Variants in ATP8B4 observed in about 807,000 individuals in gnomAD.
ATP8B4 encodes ATPase phospholipid transporting 8B4 (putative).
Under a neutral mutation model 145.6 loss-of-function variants are expected in ATP8B4, and 133 were observed. That is an observed-to-expected ratio of 0.91 (90% confidence interval 0.79 to 1.05). The LOEUF (loss-of-function observed/expected upper bound fraction) is 1.05. Among genes scored for constraint, ATP8B4 ranks in the 50% least tolerant of loss-of-function variants. The pLI is 0.00. For synonymous variants in ATP8B4, 507 were observed against 492.9 expected (o/e 1.03, Z -0.38); for missense variants, 1,458 against 1,425.2 (o/e 1.02, Z -0.37).
intron 14 of ATP8B4, among the ~76,000 whole-genome samples, chr15:49,955,546 C>T (rs2043485816): frequency 6.6e-6 from 1 of 152,138 alleles, no homozygotes; most frequent in Non-Finnish European, 1.5e-5. Flanking sequence ...GAATGGAAAT[C>T]AGGATCTTGA....
intron 3 of ATP8B4, among the ~76,000 whole-genome samples, chr15:50,054,056 T>C (rs2052393239): frequency 6.6e-6 from 1 of 152,230 alleles, no homozygotes; most frequent in African/African-American, 2.4e-5. Flanking sequence ...GAAAGAATTA[T>C]GCAAATATAG....
chr15:50,047,329 A>G, intron 4 of ATP8B4, 22 bp downstream of exon 4: 1 of 1,388,818 alleles, frequency 7.2e-7, no homozygotes, highest in Non-Finnish European at 1.0e-6. Context: ...CAGATAATAG[A>G]GAAATACAAC....
At chr15:49,911,206 T>C (rs1040130529) in intron 20 of ATP8B4, among the ~76,000 whole-genome samples, 1 of 152,094 alleles carries the variant, frequency 6.6e-6, no homozygotes, top group African/African-American at 2.4e-5. Context: ...GAATGGGTTT[T>C]TTAAAAATGT....
intron 25 of ATP8B4, among the ~76,000 whole-genome samples, chr15:49,875,400 C>T (rs932696684): frequency 6.6e-6 from 1 of 152,224 alleles, no homozygotes; most frequent in Admixed American, 6.5e-5. Flanking sequence ...GAAGGAGAAT[C>T]CAGAGAATTG....
At chr15:50,177,123 CTGAA>C (rs374637650) in intron 1 of ATP8B4, among the ~76,000 whole-genome samples, 3,222 of 152,294 alleles carry the variant, frequency 0.021, 45 homozygotes, top group Non-Finnish European at 0.03. Context: ...CCACAAACCA[CTGAA>C]TGAGTCAGTC....
chr15:50,020,368 C>G (rs2049452987), intron 6 of ATP8B4, among the ~76,000 whole-genome samples: 1 of 150,620 alleles, frequency 6.6e-6, no homozygotes, highest in Admixed American at 6.6e-5. Context: ...TTCCCAGGTT[C>G]AAGCAGTTGT....
intron 27 of ATP8B4, among the ~76,000 whole-genome samples, chr15:49,861,670 G>A (rs1012743297): frequency 1.3e-5 from 2 of 152,094 alleles, no homozygotes; most frequent in African/African-American, 2.4e-5. Context: ...ATGAAATTCT[G>A]AAATATGTTC....
intron 16 of ATP8B4, among the ~76,000 whole-genome samples, chr15:49,925,610 C>A (rs2040644018): frequency 6.6e-6 from 1 of 152,124 alleles, no homozygotes; most frequent in Non-Finnish European, 1.5e-5. Flanking sequence ...TTAGTTTCTA[C>A]ATGTAAAAAG....
chr15:49,916,299 T>C (rs2153450633), intron 20 of ATP8B4, among the ~76,000 whole-genome samples: 1 of 152,276 alleles, frequency 6.6e-6, no homozygotes, highest in South Asian at 2.1e-4. Context: ...CTACCTCCAA[T>C]TTCAGCACTT....
chr15:49,866,599 T>C (rs779945712), intron 25 of ATP8B4, 115 bp from the exon 26 acceptor site: 28 of 1,311,150 alleles, frequency 2.1e-5, no homozygotes, highest in Non-Finnish European at 3.0e-5. Flanking sequence ...CCTGCCTAGT[T>C]GCCAAGCCAA....
intron 24 of ATP8B4, 48 bp downstream of exon 24, chr15:49,879,328 A>C: frequency 6.6e-7 from 1 of 1,510,680 alleles, no homozygotes; most frequent in South Asian, 1.2e-5. Flanking sequence ...CAAAAAACTA[A>C]AAGGCATAAA....
chr15:50,155,371 T>C (rs2044397272), intron 1 of ATP8B4, among the ~76,000 whole-genome samples: 1 of 152,186 alleles, frequency 6.6e-6, no homozygotes, highest in Admixed American at 6.5e-5. Flanking sequence ...TATATGTTTA[T>C]AGTTTTATAA....
In ATP8B4 at chr15:50,158,645, G is replaced by A. The variant is rs976073388; in HGVS notation, c.-43+23616C>T. ...GAGAATGGGCCATGATGACAATGGCGGTTTTGTGGAATAGAAAAGGGGGAA... is the reference window on the plus strand; with the variant it reads ...GAGAATGGGCCATGATGACAATGGCAGTTTTGTGGAATAGAAAAGGGGGAA... On this transcript the variant is annotated intron_variant, in intron 1 of 3. Coordinates refer to the ATP8B4 transcript ENST00000558829. Among the ~76,000 whole-genome samples the A allele has an allele frequency of 3.2e-4, 48 of 152,378 alleles. 1 individual carries two copies. Among genetic ancestry groups the A allele is most frequent in the Admixed American group, 1.6e-3 (25 of 15,310 alleles).
At chr15:49,908,829 C>G (rs1420871192) in intron 20 of ATP8B4, among the ~76,000 whole-genome samples, 1 of 152,140 alleles carries the variant, frequency 6.6e-6, no homozygotes, top group Non-Finnish European at 1.5e-5. Context: ...CACTACCCTT[C>G]CAGCAACAGG....
chr15:50,055,587 G>A (rs1401094806), intron 3 of ATP8B4, among the ~76,000 whole-genome samples: 3 of 152,054 alleles, frequency 2.0e-5, no homozygotes, highest in African/African-American at 7.2e-5. Flanking sequence ...TGTACATCAT[G>A]ACAACTATAA....
chr15:49,925,178 T>C (rs1014159461), intron 16 of ATP8B4, among the ~76,000 whole-genome samples: 2 of 152,128 alleles, frequency 1.3e-5, no homozygotes, highest in South Asian at 2.1e-4. Context: ...TTTATAACAC[T>C]AGTTACTATA....
In ATP8B4 at chr15:49,931,126, A is replaced by G. The variant is rs145397422; in HGVS notation, c.1635T>C (p.Ser545=). ...LDFNNTRKRM[S]VIVRNPEGQI... ...CTTAGCTACCAACCATACCTATGAC[A>G]GACATCCTTTTTCTGGTGTTGTTGA... Residue 545 remains serine (S), a synonymous_variant, in exon 16 of 28, where the codon TCT becomes TCC. Coordinates refer to ENST00000284509, the MANE Select transcript of ATP8B4 (RefSeq NM_024837.4). 1.1e-4 allele frequency: 177 copies of G among 1,610,558 alleles called. No individual in the cohort carries two copies. The highest frequency in any genetic ancestry group is 1.4e-4 in the Non-Finnish European group (170 of 1,177,816).
intron 3 of ATP8B4, among the ~76,000 whole-genome samples, chr15:50,052,476 C>G (rs1567270262): frequency 6.6e-6 from 1 of 152,186 alleles, no homozygotes; most frequent in Non-Finnish European, 1.5e-5. Context: ...GAAAGTGCCT[C>G]CCCGTAAATG....
At chr15:50,118,168 C>A (rs28719855) in intron 1 of ATP8B4, among the ~76,000 whole-genome samples, 8 of 151,836 alleles carry the variant, frequency 5.3e-5, no homozygotes, top group African/African-American at 9.7e-5. Context: ...ATAAAATAAA[C>A]GATATAGATA....
Sources: gnomAD v4.1 joint callset for allele counts (sites outside exome capture counted in the v4.1 genomes callset) on GRCh38, gnomAD v4.1.1 for gene constraint, MANE v1.5 for transcripts, NCBI Gene and HGNC (gene_info 2026-07-23, HGNC 2026-07-21) for gene names.